Variants in SERINC5 observed in about 807,000 individuals in gnomAD.
SERINC5 encodes serine incorporator 5.
A neutral mutation model predicts 63.1 loss-of-function variants in SERINC5; 41 were observed. That is an observed-to-expected ratio of 0.65 (90% confidence interval 0.51 to 0.84). The LOEUF (loss-of-function observed/expected upper bound fraction) is 0.84. SERINC5 is among the 40% of genes least tolerant of loss of function. SERINC5 has a pLI of 0.00. For missense variants in SERINC5, 523 were observed against 573.0 expected (o/e 0.91, Z 0.89); for synonymous variants, 222 against 215.2 (o/e 1.03, Z -0.28).
Position 80,143,023 on chromosome 5 carries a change from G to C in SERINC5, c.*640C>G. 4.1e-6 allele frequency: 4 copies of C among 985,440 alleles called. No homozygotes were observed. The highest frequency in any genetic ancestry group is 4.8e-6 in the Non-Finnish European group (4 of 829,968). The allele number at this position is 985,440 out of a possible 1,614,324, so 61.0% of individuals were successfully genotyped here. On this transcript the variant is annotated 3_prime_UTR_variant, in exon 12 of 12. Transcript: ENST00000507668. ...AAGATGTGGGACCCAGAAAAGATGA[G>C]ACCTCGGGGAAGGGTGCAGGCAGAG...
At chr5:80,179,324 T>C (rs991107457) in intron 2 of SERINC5, among the ~76,000 whole-genome samples, 2 of 152,066 alleles carry the variant, frequency 1.3e-5, no homozygotes, top group Admixed American at 6.5e-5. Context: ...AAATAAACAA[T>C]AAGCCATGAA....
chr5:80,133,578 C>T (rs536757325), intron 11 of SERINC5, among the ~76,000 whole-genome samples: 19 of 152,236 alleles, frequency 1.2e-4, no homozygotes, highest in Admixed American at 3.3e-4. Flanking sequence ...TATAGAGGGC[C>T]CAAGACTGTC....
intron 11 of SERINC5, among the ~76,000 whole-genome samples, chr5:80,127,497 T>C (rs1744789412): frequency 2.0e-5 from 3 of 152,150 alleles, no homozygotes; most frequent in African/African-American, 7.2e-5. Flanking sequence ...GGTTTTGGAG[T>C]TGCTTGTTAC....
At chr5:80,118,789 C>T (rs1269076641) in intron 11 of SERINC5, among the ~76,000 whole-genome samples, 2 of 148,162 alleles carry the variant, frequency 1.3e-5, no homozygotes, top group African/African-American at 5.0e-5. Context: ...TCTCGCACTC[C>T]TGGCCTCAAG....
At chr5:80,197,313 GAGAGAGAGA>G (rs1749569505) in intron 2 of SERINC5, among the ~76,000 whole-genome samples, 4 of 1,850 alleles carry the variant, frequency 2.2e-3, no homozygotes, top group Non-Finnish European at 3.5e-3. Context: ...ATCTGTGAGA[GAGAGAGAGA>G]GAGAGAGAGA....
In SERINC5 at chr5:80,166,386, C is replaced by T. The variant is rs993792824; in HGVS notation, c.856G>A (p.Val286Ile). Residue 286 changes from valine to isoleucine, a missense_variant, in exon 7 of 12, where the codon GTA (valine) becomes ATA (isoleucine). Physicochemically the swap from Val to Ile is conservative, Grantham distance 29 (BLOSUM62 3). Transcript: ENST00000507668. ...GCCCACTAACAGGCTGGCTTACCTA[C>T]TTCTGCAGGTTTGCTGGACAGAGCT... ...FSALSSKPAE[V>I]VLDEHGKNVT... 6.3e-7 allele frequency: 1 copy of T among 1,579,198 alleles called. No homozygotes were observed.
At chr5:80,214,010 G>T (rs1353875764) in intron 1 of SERINC5, among the ~76,000 whole-genome samples, 1 of 152,082 alleles carries the variant, frequency 6.6e-6, no homozygotes, top group Admixed American at 6.6e-5. Flanking sequence ...AATACATGTG[G>T]TTTAAGAGAA....
chr5:80,141,450 T>C lies in SERINC5; in HGVS notation c.*2213A>G. 1 of 984,936 alleles carries C rather than the reference T, an allele frequency of 1.0e-6. No homozygotes were observed. The highest frequency in any genetic ancestry group is 1.2e-6 in the Non-Finnish European group (1 of 829,980). 61.0% of individuals were successfully genotyped at this position (984,936 alleles called of 1,614,324 possible). A position where few individuals can be genotyped will look rare whatever the true frequency, so the allele number is the denominator to read the frequency against. ...AAGGCCTTGTCAGCTGGACCTTGAC[T>C]GCGCGTAAGGTCAGTTTCTCAAATC... On this transcript the variant is annotated 3_prime_UTR_variant, in exon 12 of 12. Coordinates refer to ENST00000507668, the MANE Select transcript of SERINC5 (RefSeq NM_001174072.3).
intron 7 of SERINC5, among the ~76,000 whole-genome samples, chr5:80,160,816 C>G (rs184045518): frequency 1.3e-5 from 2 of 152,070 alleles, no homozygotes; most frequent in Admixed American, 6.6e-5. Flanking sequence ...GCTTGTTTCA[C>G]TTAAGATAAT....
intron 2 of SERINC5, among the ~76,000 whole-genome samples, chr5:80,193,957 G>C (rs1001234177): frequency 2.6e-5 from 4 of 152,206 alleles, no homozygotes; most frequent in Non-Finnish European, 5.9e-5. Flanking sequence ...AAACCTCAAA[G>C]CCAGCTCCCC....
chr5:80,217,557 C>T (rs1040676268), intron 1 of SERINC5, among the ~76,000 whole-genome samples: 4 of 152,164 alleles, frequency 2.6e-5, no homozygotes, highest in East Asian at 1.9e-4. Context: ...AAGAGTTTAG[C>T]GGCGAGTGAG....
chr5:80,194,813 A>G (rs1749403603), intron 2 of SERINC5, among the ~76,000 whole-genome samples: 1 of 152,202 alleles, frequency 6.6e-6, no homozygotes, highest in African/African-American at 2.4e-5. Flanking sequence ...CCAACAAGCA[A>G]ACCTAGTTGC....
At chr5:80,123,080 T>C (rs114420455) in intron 11 of SERINC5, among the ~76,000 whole-genome samples, 118 of 149,528 alleles carry the variant, frequency 7.9e-4, no homozygotes, top group African/African-American at 2.7e-3. Context: ...AACTAATACA[T>C]TCTCTTAATC....
At chr5:80,152,759 G>A (rs1000724038) in intron 8 of SERINC5, among the ~76,000 whole-genome samples, 3 of 151,952 alleles carry the variant, frequency 2.0e-5, no homozygotes, top group Non-Finnish European at 4.4e-5. Context: ...TGGCCAACAT[G>A]GCAAAACCCC....
At chr5:80,133,138 C>T (rs67929429) in intron 11 of SERINC5, among the ~76,000 whole-genome samples, 11,895 of 152,170 alleles carry the variant, frequency 0.078, 500 homozygotes, top group African/African-American at 0.11. Flanking sequence ...CGTGCCTGCT[C>T]GCACTTCACC....
intron 8 of SERINC5, 87 bp downstream of exon 8, chr5:80,158,749 G>A: frequency 3.0e-6 from 4 of 1,339,830 alleles, no homozygotes; most frequent in Non-Finnish European, 4.1e-6. Context: ...AATGGTTGCA[G>A]CCTCACAGCT....
At chr5:80,206,040 C>T (rs1750146912) in intron 1 of SERINC5, among the ~76,000 whole-genome samples, 1 of 147,790 alleles carries the variant, frequency 6.8e-6, no homozygotes, top group Non-Finnish European at 1.5e-5. Flanking sequence ...AGAAGTACTA[C>T]ATGGTGTCTT....
At chr5:80,117,957 T>C (rs2918424) in intron 11 of SERINC5, among the ~76,000 whole-genome samples, 124,676 of 151,854 alleles carry the variant, frequency 0.82, 51,871 homozygotes, top group African/African-American at 0.88. Context: ...AATCCCAGCA[T>C]GTTGGGAGGC....
chr5:80,120,567 A>G (rs1260038510), intron 11 of SERINC5, among the ~76,000 whole-genome samples: 1 of 152,128 alleles, frequency 6.6e-6, no homozygotes, highest in African/African-American at 2.4e-5. Flanking sequence ...ACCTCCCAGC[A>G]CTTTGGGAGG....
Sources: gnomAD v4.1 joint callset for allele counts (sites outside exome capture counted in the v4.1 genomes callset) on GRCh38, gnomAD v4.1.1 for gene constraint, MANE v1.5 for transcripts, NCBI Gene and HGNC (gene_info 2026-07-23, HGNC 2026-07-21) for gene names.